ENTPD1: variants seen among roughly 807,000 people sequenced by gnomAD.
ENTPD1 encodes the protein ATP diphosphohydrolase.
In ENTPD1, 33 loss-of-function variants were observed where a neutral mutation model predicts 57.0. That is an observed-to-expected ratio of 0.58 (90% CI 0.44 to 0.77). The LOEUF (loss-of-function observed/expected upper bound fraction) is 0.77, where lower values mean the gene tolerates loss of function less well. ENTPD1 is among the 30% of genes least tolerant of loss of function. The probability of loss-of-function intolerance (pLI) is 0.00; values close to 1 mark genes in which losing one functional copy is unlikely to be tolerated. For missense variants in ENTPD1, 501 were observed against 603.4 expected (o/e 0.83, Z 1.78); for synonymous variants, 202 against 218.8 (o/e 0.92, Z 0.68).
At chr10:95,745,104 T>A (rs183164042) in intron 1 of ENTPD1, among the ~76,000 whole-genome samples, 1 of 152,344 alleles carries the variant, frequency 6.6e-6, no homozygotes, top group East Asian at 1.9e-4. Flanking sequence ...TTAAAGAAAT[T>A]ATAGCTTTTA....
At chr10:95,797,500 A>G (rs545331121) in intron 1 of ENTPD1, among the ~76,000 whole-genome samples, 1 of 152,296 alleles carries the variant, frequency 6.6e-6, no homozygotes, top group Non-Finnish European at 1.5e-5. Flanking sequence ...TAATTTATAA[A>G]GAAAAGAGGT....
At chr10:95,813,776 A>G (rs1206134963) in intron 1 of ENTPD1, among the ~76,000 whole-genome samples, 1 of 152,190 alleles carries the variant, frequency 6.6e-6, no homozygotes, top group African/African-American at 2.4e-5. Flanking sequence ...TAACCTCTAA[A>G]TTTTGTACCT....
chr10:95,793,109 C>T (rs1172057653), intron 1 of ENTPD1, among the ~76,000 whole-genome samples: 2 of 152,162 alleles, frequency 1.3e-5, no homozygotes, highest in East Asian at 3.8e-4. Flanking sequence ...AGCTTCTTAG[C>T]AATTTCCTCA....
chr10:95,823,275 G>A lies in ENTPD1; in HGVS notation c.55G>A (p.Ala19Thr). ...GACATTTTGCTCCAAGAATATCCTAGCCATCCTTGGCTTCTCCTCTATCAT... is the reference window on the plus strand; with the variant it reads ...GACATTTTGCTCCAAGAATATCCTAACCATCCTTGGCTTCTCCTCTATCAT... The part of the protein sequence containing the change: ...VKTFCSKNIL[A>T]ILGFSSIIAV... Residue 19 changes from alanine (A) to threonine (T), a missense_variant, in exon 2 of 10, where the codon GCC (alanine) becomes ACC (threonine). Ala to Thr is a moderately conservative substitution (Grantham distance 58). Transcript: ENST00000371205. 1 of 1,614,164 alleles carries A rather than the reference G, an allele frequency of 6.2e-7. No individual in the cohort carries two copies. Among genetic ancestry groups the A allele is most frequent in the Non-Finnish European group, 8.5e-7 (1 of 1,180,012 alleles).
chr10:95,841,108 C>A (rs1386767122), intron 3 of ENTPD1, among the ~76,000 whole-genome samples: 1 of 152,126 alleles, frequency 6.6e-6, no homozygotes. Flanking sequence ...TTTTAATGGC[C>A]AAGCACGGTG....
chr10:95,716,482 T>C (rs2139816346), intron 1 of ENTPD1, among the ~76,000 whole-genome samples: 1 of 152,282 alleles, frequency 6.6e-6, no homozygotes, highest in South Asian at 2.1e-4. Flanking sequence ...GGCATTTGAG[T>C]CATGAAAGAT....
At chr10:95,790,605 T>G (rs1328392583) in intron 1 of ENTPD1, among the ~76,000 whole-genome samples, 1 of 151,972 alleles carries the variant, frequency 6.6e-6, no homozygotes, top group Non-Finnish European at 1.5e-5. Context: ...ATATTCTGAG[T>G]TTTTTTTGTT....
rs1299496673 is a variant in ENTPD1, at chr10:95,868,389, A to G, written c.*2006A>G. On this transcript the variant is annotated 3_prime_UTR_variant, in exon 10 of 10. Transcript: ENST00000371205. ...CTTGTAATTTAATATCATTCTGTTCATGTGCTTTGGATGGAAGCACATCTG... is the reference window on the plus strand; with the variant it reads ...CTTGTAATTTAATATCATTCTGTTCGTGTGCTTTGGATGGAAGCACATCTG... The G allele has an allele frequency of 5.1e-6, 5 of 985,334 alleles. No homozygotes were observed. The highest frequency in any genetic ancestry group is 1.7e-5 in the African/African-American group (1 of 57,242). 61.0% of individuals were successfully genotyped at this position (985,334 alleles called of 1,614,324 possible).
chr10:95,727,544 G>A (rs559398506), intron 1 of ENTPD1, among the ~76,000 whole-genome samples: 7 of 152,300 alleles, frequency 4.6e-5, no homozygotes, highest in South Asian at 2.1e-4. Context: ...AAGATGTGCC[G>A]TGGGAAGAAT....
intron 1 of ENTPD1, among the ~76,000 whole-genome samples, chr10:95,730,891 T>C (rs949497853): frequency 6.6e-6 from 1 of 152,250 alleles, no homozygotes; most frequent in African/African-American, 2.4e-5. Flanking sequence ...ATTTTCATAA[T>C]AGCTTCATTA....
In ENTPD1 at chr10:95,876,223, G is replaced by A. The variant is rs989277805; in HGVS notation, c.*9840G>A. The stretch of plus-strand genomic sequence containing the variant: ...ATAAATACTCCTATAAAAATGTAAA[G>A]AAACACATAATGTAGATTGCTAATT... On this transcript the variant is annotated 3_prime_UTR_variant, in exon 10 of 10. Coordinates refer to ENST00000371205, the MANE Select transcript of ENTPD1 (RefSeq NM_001776.6). 1.0e-6 allele frequency: 1 copy of A among 977,036 alleles called. No homozygotes were observed. Among genetic ancestry groups the A allele is most frequent in the Non-Finnish European group, 1.2e-6 (1 of 822,504 alleles). 60.5% of individuals were successfully genotyped at this position (977,036 alleles called of 1,614,324 possible). A position where few individuals can be genotyped will look rare whatever the true frequency, so the allele number is the denominator to read the frequency against.
At chr10:95,840,933 GT>G (rs1438013001) in intron 3 of ENTPD1, among the ~76,000 whole-genome samples, 1 of 152,190 alleles carries the variant, frequency 6.6e-6, no homozygotes, top group Non-Finnish European at 1.5e-5. Flanking sequence ...CAAGAAAGTA[GT>G]AGAGAGGAGA....
chr10:95,753,646 C>G (rs562583672), upstream of ENTPD1: 1 of 152,198 alleles, frequency 6.6e-6, no homozygotes, highest in Non-Finnish European at 1.5e-5. Flanking sequence ...AACCTTTTGT[C>G]GACAACGTCT....
chr10:95,869,759 G>A lies in ENTPD1; in HGVS notation c.*3376G>A, dbSNP rs1456273199. On this transcript the variant is annotated 3_prime_UTR_variant, in exon 10 of 10. Coordinates refer to ENST00000371205, the MANE Select transcript of ENTPD1 (RefSeq NM_001776.6). ...GGATGGTATGGTACACTCAAACTGG[G>A]TAACACAGGAGAGTTTTCAGAAAGC... The A allele has an allele frequency of 1.2e-6, 1 of 834,058 alleles. No homozygotes were observed. The highest frequency in any genetic ancestry group is 1.4e-6 in the Non-Finnish European group (1 of 692,130). 51.7% of individuals were successfully genotyped at this position (834,058 alleles called of 1,614,324 possible).
In ENTPD1 at chr10:95,738,607, ACCTATT is replaced by A. The variant is rs2097997074; in HGVS notation, c.37+26618_37+26623del. On this transcript the variant is annotated intron_variant, in intron 1 of 9. Coordinates refer to the ENTPD1 transcript ENST00000453258. ...ATACCCTGTTGGTGAGATGGAGAAG[ACCTATT>A]CCTTCTCACCTCAAACCAAGACTCA... is the stretch of plus-strand genomic sequence containing the variant. Among the ~76,000 whole-genome samples the A allele has an allele frequency of 2.0e-5, 3 of 152,146 alleles. No individual in the cohort carries two copies. In the South Asian group the frequency reaches 6.2e-4, roughly 32 times the overall value.
chr10:95,760,439 A>G (rs1350261097), intron 1 of ENTPD1, among the ~76,000 whole-genome samples: 2 of 152,166 alleles, frequency 1.3e-5, no homozygotes, highest in East Asian at 1.9e-4. Context: ...TTACATGTCC[A>G]TCTTGGAGAT....
At chr10:95,694,392 A>G in the ENTPD1 span, among the ~76,000 whole-genome samples, 25 of 151,134 alleles carry the variant, frequency 1.7e-4, no homozygotes, top group Non-Finnish European at 3.1e-4. Flanking sequence ...CATACCTTAA[A>G]AAACAGTCTC....
At chr10:95,784,053 C>A (rs1464715278) in intron 1 of ENTPD1, among the ~76,000 whole-genome samples, 1 of 149,892 alleles carries the variant, frequency 6.7e-6, no homozygotes, top group Non-Finnish European at 1.5e-5. Flanking sequence ...TGCCTTCCTG[C>A]AGGAGGAATG....
chr10:95,852,792 C>G (rs1259913896), intron 7 of ENTPD1, among the ~76,000 whole-genome samples: 31 of 152,104 alleles, frequency 2.0e-4, no homozygotes, highest in Admixed American at 2.0e-3. Context: ...TGGTCTGTAT[C>G]TCTGTTTTGG....
Sources: allele counts gnomAD v4.1 joint callset (sites outside exome capture counted in the v4.1 genomes callset), GRCh38; gene constraint gnomAD v4.1.1; transcripts MANE v1.5; gene names NCBI Gene and HGNC (gene_info 2026-07-23, HGNC 2026-07-21).